Variants in DCAF6 observed in about 807,000 individuals in gnomAD.
DCAF6 encodes DDB1- and CUL4-associated factor 6.
In DCAF6, 54 loss-of-function variants were observed where a neutral mutation model predicts 125.1. The ratio of observed to expected loss-of-function variants is 0.43; its 90% CI spans 0.35 to 0.54. The LOEUF (loss-of-function observed/expected upper bound fraction) is 0.54. Among genes scored for constraint, DCAF6 ranks in the 20% least tolerant of loss-of-function variants. DCAF6 has a pLI of 0.01. For missense variants in DCAF6, 934 were observed against 1,161.7 expected (o/e 0.80, Z 2.85); for synonymous variants, 371 against 390.4 (o/e 0.95, Z 0.58).
chr1:168,065,527 A>G, intron 18 of DCAF6, 63 bp from the exon 19 acceptor site: 1 of 1,124,866 alleles, frequency 8.9e-7, no homozygotes, highest in Non-Finnish European at 1.3e-6. Context: ...ATGTAAGAGT[A>G]GCATAAATCT....
intron 5 of DCAF6, among the ~76,000 whole-genome samples, chr1:167,990,815 T>A (rs377100493): frequency 6.6e-6 from 1 of 152,208 alleles, no homozygotes; most frequent in Non-Finnish European, 1.5e-5. Flanking sequence ...CTGATCATTT[T>A]AAAAATCTGT....
the DCAF6 span, among the ~76,000 whole-genome samples, chr1:167,899,108 G>A: frequency 6.6e-6 from 1 of 152,150 alleles, no homozygotes; most frequent in African/African-American, 2.4e-5. Context: ...ATTCCCCTCT[G>A]CTCCTGGATG....
chr1:167,896,280 G>T, the DCAF6 span, among the ~76,000 whole-genome samples: 1 of 152,188 alleles, frequency 6.6e-6, no homozygotes, highest in Non-Finnish European at 1.5e-5. Flanking sequence ...TTTCCTAGAA[G>T]TTTATTGGTG....
At chr1:168,072,599 C>T (rs893086492) in intron 21 of DCAF6, among the ~76,000 whole-genome samples, 6 of 152,018 alleles carry the variant, frequency 3.9e-5, no homozygotes, top group African/African-American at 7.2e-5. Context: ...TCTTTAGGCT[C>T]CTAAAACAGT....
At chr1:167,912,263 G>T in the DCAF6 span, among the ~76,000 whole-genome samples, 23 of 152,310 alleles carry the variant, frequency 1.5e-4, no homozygotes, top group African/African-American at 5.3e-4. Flanking sequence ...AGCATCTCCA[G>T]AAAATTTCTT....
Position 168,065,761 on chromosome 1 carries a change from C to G in DCAF6, c.2596+15C>G. 1 of 1,605,390 alleles carries G rather than the reference C, an allele frequency of 6.2e-7. No individual in the cohort carries two copies. Among genetic ancestry groups the G allele is most frequent in the Non-Finnish European group, 8.5e-7 (1 of 1,175,410 alleles). ...GTTTGACCCAAGTAAGATATCTTTT[C>G]TAGGACGAGGGCTAGAAATTATTTG... On this transcript the variant is annotated intron_variant, in intron 19 of 21. Coordinates refer to ENST00000367840, the MANE Select transcript of DCAF6 (RefSeq NM_001198956.2).
chr1:167,883,303 G>A, the DCAF6 span: 3 of 951,278 alleles, frequency 3.2e-6, no homozygotes, highest in Admixed American at 3.7e-5. Flanking sequence ...CTCCCAAAGA[G>A]CTGGGATTAC....
chr1:168,038,301 A>G, intron 12 of DCAF6, 70 bp from the exon 13 acceptor site: 2 of 1,151,764 alleles, frequency 1.7e-6, no homozygotes, highest in South Asian at 2.7e-5. Context: ...TAAGTTTTAT[A>G]AATTTTAGGA....
intron 3 of DCAF6, among the ~76,000 whole-genome samples, chr1:167,974,587 A>G (rs1254673727): frequency 6.6e-6 from 1 of 152,134 alleles, no homozygotes; most frequent in Admixed American, 6.5e-5. Flanking sequence ...GGAAATATGC[A>G]TGTTTTATTT....
the DCAF6 span, among the ~76,000 whole-genome samples, chr1:167,885,791 T>A: frequency 6.6e-6 from 1 of 152,124 alleles, no homozygotes; most frequent in Non-Finnish European, 1.5e-5. Flanking sequence ...ATTTTTTGTA[T>A]TTTTAGTAGA....
At chr1:167,973,126 A>G (rs777620393) in intron 3 of DCAF6, among the ~76,000 whole-genome samples, 3 of 152,216 alleles carry the variant, frequency 2.0e-5, no homozygotes, top group Non-Finnish European at 4.4e-5. Context: ...GTTAAAGAAC[A>G]TGATATTTAT....
chr1:167,944,629 G>C (rs1031636068), intron 1 of DCAF6, among the ~76,000 whole-genome samples: 4 of 152,004 alleles, frequency 2.6e-5, no homozygotes, highest in African/African-American at 9.7e-5. Flanking sequence ...CATGTGTTTT[G>C]CCTACTTTTT....
At chr1:167,872,072 T>C in the DCAF6 span, among the ~76,000 whole-genome samples, 1 of 152,114 alleles carries the variant, frequency 6.6e-6, no homozygotes, top group African/African-American at 2.4e-5. Flanking sequence ...CTGGGAGCGG[T>C]GGCTCACGCC....
chr1:168,008,197 A>G (rs1396660860), intron 10 of DCAF6, among the ~76,000 whole-genome samples: 2 of 151,714 alleles, frequency 1.3e-5, no homozygotes, highest in African/African-American at 2.4e-5. Context: ...TTGAACTCCT[A>G]ACCTCAAGCA....
At position 168,023,223 on chromosome 1, in the gene DCAF6, A is replaced by G. The variant is rs1486363626; in HGVS notation, c.1609+176A>G. The G allele has an allele frequency of 7.7e-6, 5 of 646,724 alleles. No homozygotes were observed. The East Asian group carries it at 1.1e-4, about 14-fold the overall frequency. The allele number at this position is 646,724 out of a possible 1,614,324, so 40.1% of individuals were successfully genotyped here. On this transcript the variant is annotated intron_variant, in intron 12 of 21. Coordinates refer to ENST00000367840, the MANE Select transcript of DCAF6 (RefSeq NM_001198956.2). ...TACATAAAAGGTCTTTTTGGCCTAT[A>G]CAGATTATTTTCTATGTAAGCTCAT...
the DCAF6 span, among the ~76,000 whole-genome samples, chr1:167,891,906 G>A: frequency 6.6e-6 from 1 of 151,730 alleles, no homozygotes; most frequent in African/African-American, 2.4e-5. Context: ...CTGGTTTCAT[G>A]TAATTTTATT....
At chr1:168,033,303 T>C (rs1386683479) in intron 12 of DCAF6, among the ~76,000 whole-genome samples, 1 of 146,326 alleles carries the variant, frequency 6.8e-6, no homozygotes, top group African/African-American at 2.6e-5. Flanking sequence ...CTGAAAAGGA[T>C]CTTTTTTTTT....
At chr1:167,954,546 G>A (rs539174448) in intron 2 of DCAF6, among the ~76,000 whole-genome samples, 85 of 151,854 alleles carry the variant, frequency 5.6e-4, no homozygotes, top group African/African-American at 1.7e-3. Context: ...TCCGCCTCCC[G>A]GATTCACGCC....
chr1:168,055,348 T>TG (rs1338309271), intron 17 of DCAF6, among the ~76,000 whole-genome samples: 1 of 43,534 alleles, frequency 2.3e-5, no homozygotes, highest in Non-Finnish European at 3.9e-5. Flanking sequence ...TTTTTTTTTT[T>TG]TTTTTTTTTT....
Sources: allele counts gnomAD v4.1 joint callset (sites outside exome capture counted in the v4.1 genomes callset), GRCh38; gene constraint gnomAD v4.1.1; transcripts MANE v1.5; gene names NCBI Gene and HGNC (gene_info 2026-07-23, HGNC 2026-07-21).